Variants in KDM4B observed in about 807,000 individuals in gnomAD.
The protein encoded by KDM4B is lysine demethylase 4B, also known as lysine-specific demethylase 4B.
In KDM4B, 32 loss-of-function variants were observed where a neutral mutation model predicts 125.2. The ratio of observed to expected loss-of-function variants is 0.26; its 90% CI spans 0.19 to 0.34. The LOEUF is 0.34. Ranked by LOEUF, KDM4B falls within the 10% of genes least tolerant of loss-of-function variation. The probability of loss-of-function intolerance (pLI) is 1.00; values close to 1 mark genes in which losing one functional copy is unlikely to be tolerated. For missense variants in KDM4B, 1,190 were observed against 1,577.7 expected (o/e 0.75, Z 4.16); for synonymous variants, 721 against 677.9 (o/e 1.06, Z -0.99).
At chr19:5,137,790 G>GC in intron 17 of KDM4B, 114 bp downstream of exon 17, 1 of 1,120,364 alleles carries the variant, frequency 8.9e-7, no homozygotes, top group Non-Finnish European at 1.3e-6. Flanking sequence ...CCACATAACC[G>GC]CCCTGTGTCA....
At chr19:5,089,649 A>G (rs1276533940) in intron 9 of KDM4B, among the ~76,000 whole-genome samples, 2 of 151,566 alleles carry the variant, frequency 1.3e-5, no homozygotes, top group African/African-American at 4.9e-5. Flanking sequence ...AATTTGGGAT[A>G]CCTTAAAAAT....
chr19:5,023,428 C>T (rs1352536398), intron 2 of KDM4B, among the ~76,000 whole-genome samples: 3 of 152,232 alleles, frequency 2.0e-5, no homozygotes, highest in Non-Finnish European at 4.4e-5. Context: ...CGTTCTCGTG[C>T]TGCCTCTGTG....
chr19:5,063,377 A>G (rs950071526), intron 6 of KDM4B, among the ~76,000 whole-genome samples: 4 of 152,162 alleles, frequency 2.6e-5, no homozygotes, highest in African/African-American at 9.7e-5. Context: ...TTTGGAAAAT[A>G]TGCCGGATTC....
chr19:5,110,568 G>A lies in KDM4B; in HGVS notation c.919-54G>A, dbSNP rs1039818851. On this transcript the variant is annotated intron_variant, in intron 9 of 22. Coordinates refer to ENST00000159111, the MANE Select transcript of KDM4B (RefSeq NM_015015.3). The stretch of plus-strand genomic sequence containing the variant: ...CTACCTGCTCTGGGGTGGGGTGTGT[G>A]GAGCCAGCCGTCCAGGTGTGGCGCG... 1.9e-6 allele frequency: 3 copies of A among 1,586,478 alleles called. No homozygotes were observed. The African/African-American group carries it at 4.0e-5, about 21-fold the overall frequency.
At chr19:5,011,664 T>G (rs1382092668) in intron 1 of KDM4B, among the ~76,000 whole-genome samples, 1 of 152,238 alleles carries the variant, frequency 6.6e-6, no homozygotes, top group African/African-American at 2.4e-5. Context: ...GATCCCTTCT[T>G]TCTGGTTCAG....
intron 21 of KDM4B, 106 bp downstream of exon 21, chr19:5,145,008 C>T (rs1599273194): frequency 1.5e-5 from 22 of 1,475,924 alleles, no homozygotes; most frequent in Non-Finnish European, 2.0e-5. Context: ...GCCTGGGGCA[C>T]TGGCGGGTGT....
chr19:5,005,816 G>GGGATGT (rs2145457341), intron 1 of KDM4B, among the ~76,000 whole-genome samples: 1 of 152,258 alleles, frequency 6.6e-6, no homozygotes, highest in South Asian at 2.1e-4. Flanking sequence ...ACAGCTGGGA[G>GGGATGT]GGATGTGGGG....
chr19:5,096,740 C>T (rs1052997905), intron 9 of KDM4B, among the ~76,000 whole-genome samples: 4 of 150,496 alleles, frequency 2.7e-5, no homozygotes, highest in Admixed American at 6.6e-5. Context: ...AAGTGTCCCG[C>T]GGTGCCCCCG....
chr19:5,111,671 C>G, intron 10 of KDM4B: 1 of 724,104 alleles, frequency 1.4e-6, no homozygotes, highest in Non-Finnish European at 2.5e-6. Context: ...TCAGGGAGCC[C>G]CTGAGCATGA....
chr19:5,053,094 C>A (rs534561661), intron 6 of KDM4B, among the ~76,000 whole-genome samples: 1 of 152,242 alleles, frequency 6.6e-6, no homozygotes, highest in African/African-American at 2.4e-5. Context: ...TGGAAATTGC[C>A]TGGAGCCTGA....
intron 1 of KDM4B, among the ~76,000 whole-genome samples, chr19:4,988,511 G>A (rs1301259036): frequency 3.3e-5 from 5 of 152,128 alleles, no homozygotes; most frequent in Admixed American, 2.0e-4. Context: ...TCCTGACCTC[G>A]TGATCCACCC....
chr19:4,998,022 T>C (rs1211153098), intron 1 of KDM4B, among the ~76,000 whole-genome samples: 1 of 152,266 alleles, frequency 6.6e-6, no homozygotes, highest in Non-Finnish European at 1.5e-5. Context: ...CAGATACCTA[T>C]AAATAAGTGT....
At chr19:5,113,130 G>GTGGCC (rs1379036378) in intron 10 of KDM4B, 4 of 152,198 alleles carry the variant, frequency 2.6e-5, no homozygotes, top group South Asian at 4.1e-4. Flanking sequence ...CAGCCCTTGC[G>GTGGCC]TGGCCTGGCC....
At chr19:4,976,376 A>G in intron 1 of KDM4B, among the ~76,000 whole-genome samples, 1 of 151,716 alleles carries the variant, frequency 6.6e-6, no homozygotes, top group East Asian at 1.9e-4. Context: ...ACAGCTACAA[A>G]CAGTGTAGGT....
At chr19:5,143,878 A>G in intron 18 of KDM4B, 89 bp from the exon 19 acceptor site, 1 of 1,073,282 alleles carries the variant, frequency 9.3e-7, no homozygotes, top group South Asian at 1.5e-5. Flanking sequence ...GCCTCCCTTG[A>G]AGGCTGTGCC....
At chr19:5,074,590 C>T (rs147768293) in intron 7 of KDM4B, 28 of 152,338 alleles carry the variant, frequency 1.8e-4, no homozygotes, top group African/African-American at 5.5e-4. Flanking sequence ...GCGGAGAGGC[C>T]GCCGGCAGGC....
chr19:5,108,198 C>CTGCT (rs1015144162), intron 9 of KDM4B, among the ~76,000 whole-genome samples: 30 of 152,226 alleles, frequency 2.0e-4, no homozygotes, highest in Admixed American at 1.6e-3. Flanking sequence ...ATTGCAAAGC[C>CTGCT]GCTCAATACA....
At chr19:4,989,209 G>A (rs968157368) in intron 1 of KDM4B, among the ~76,000 whole-genome samples, 15 of 152,222 alleles carry the variant, frequency 9.9e-5, no homozygotes, top group African/African-American at 3.6e-4. Flanking sequence ...GGTGGAAGCC[G>A]CTTGCAGAGT....
chr19:5,127,870 AGGAG>A (rs1438398251), intron 11 of KDM4B, among the ~76,000 whole-genome samples: 5 of 152,162 alleles, frequency 3.3e-5, no homozygotes, highest in African/African-American at 1.2e-4. Context: ...CTCAGCTCCC[AGGAG>A]GCCCCGTTGG....
Sources: allele counts gnomAD v4.1 joint callset (sites outside exome capture counted in the v4.1 genomes callset), GRCh38; gene constraint gnomAD v4.1.1; transcripts MANE v1.5; gene names NCBI Gene and HGNC (gene_info 2026-07-23, HGNC 2026-07-21).